Variants in DNAJC27 observed in about 807,000 individuals in gnomAD.
The protein encoded by DNAJC27 is dnaJ homolog subfamily C member 27.
A neutral mutation model predicts 31.4 loss-of-function variants in DNAJC27; 25 were observed. The observed-to-expected ratio is 0.80, with a 90% CI of 0.58 to 1.11. The LOEUF (loss-of-function observed/expected upper bound fraction) is 1.11, where lower values mean the gene tolerates loss of function less well. DNAJC27 is among the 50% of genes most tolerant of loss of function. DNAJC27 has a pLI of 0.00. For synonymous variants in DNAJC27, 106 were observed against 112.7 expected, an observed-to-expected ratio of 0.94 and a Z score of 0.37; for missense variants, 356 against 347.3, an observed-to-expected ratio of 1.02 and a Z score of -0.20.
chr2:24,962,223 T>C (rs1558554924), intron 3 of DNAJC27, among the ~76,000 whole-genome samples: 1 of 151,892 alleles, frequency 6.6e-6, no homozygotes, highest in Non-Finnish European at 1.5e-5. Flanking sequence ...TTTCTTTTGT[T>C]TTTTTTTGTG....
rs1378459089 is a variant in DNAJC27 at position 24,957,899 on chromosome 2, C to T, written c.316G>A (p.Ala106Thr). Reference protein sequence around the residue: ...YDVGQKDSFDALDAWLAEMKQ... With the variant: ...YDVGQKDSFDTLDAWLAEMKQ... ...ATTTCTGCCAGCCACGCATCAAGGG[C>T]GTCAAAGGAGTCTTTCTGCCCAACA... The change falls in exon 4 of 7, where the codon GCC (alanine) becomes ACC (threonine). Residue 106 changes from alanine (A) to threonine (T), a missense_variant. Transcript: ENST00000264711. 5.0e-6 allele frequency: 8 copies of T among 1,614,126 alleles called. No individual in the cohort carries two copies. The highest frequency in any genetic ancestry group is 2.2e-5 in the East Asian group (1 of 44,886).
chr2:24,959,542 C>A (rs1325489957), intron 3 of DNAJC27, among the ~76,000 whole-genome samples: 1 of 152,182 alleles, frequency 6.6e-6, no homozygotes, highest in Non-Finnish European at 1.5e-5. Context: ...AAAGTTCCAA[C>A]TTTCTCAAAT....
At position 24,957,912 on chromosome 2, in the gene DNAJC27, T is replaced by C. The variant is rs1665946367; in HGVS notation, c.303A>G (p.Lys101=). 6.2e-7 allele frequency: 1 copy of C among 1,614,192 alleles called. No individual in the cohort carries two copies. Among genetic ancestry groups the C allele is most frequent in the Non-Finnish European group, 8.5e-7 (1 of 1,180,036 alleles). The change falls in exon 4 of 7, where the codon AAA becomes AAG. Residue 101 remains lysine (K), a synonymous_variant. Coordinates refer to ENST00000264711, the MANE Select transcript of DNAJC27 (RefSeq NM_016544.3). ...ACGCATCAAGGGCGTCAAAGGAGTC[T>C]TTCTGCCCAACATCATAGACCAGTA... The part of the protein sequence containing the change: ...GVILVYDVGQ[K]DSFDALDAWL...
rs1262920323 is a variant in DNAJC27, at chr2:24,971,869, G to A, written c.36C>T (p.Gly12=). Residue 12 remains glycine (G), a synonymous_variant, in exon 1 of 7, where the codon GGC becomes GGT. Transcript: ENST00000264711. ...EANMPKRKEP[G]RSLRIKVISM... is the part of the protein sequence containing the mutation. ...AGATGACTTTGATGCGGAGAGACCT[G>A]CCGGGCTCCTTCCGCTTCGGCATGT... The A allele has an allele frequency of 1.2e-6, 2 of 1,609,238 alleles. No individual in the cohort carries two copies. The highest frequency in any genetic ancestry group is 1.1e-5 in the South Asian group (1 of 90,304).
At chr2:24,960,546 G>A (rs1419564223) in intron 3 of DNAJC27, among the ~76,000 whole-genome samples, 1 of 152,190 alleles carries the variant, frequency 6.6e-6, no homozygotes, top group East Asian at 1.9e-4. Flanking sequence ...TGGGCCTTTT[G>A]TACCAAACAG....
At chr2:24,956,469 ATG>A (rs773620769) in intron 5 of DNAJC27, among the ~76,000 whole-genome samples, 6 of 152,006 alleles carry the variant, frequency 3.9e-5, no homozygotes, top group Non-Finnish European at 7.4e-5. Flanking sequence ...CCTTATTTTT[ATG>A]TGTGACTGGA....
Position 24,971,613 on chromosome 2 carries a change from T to C in DNAJC27, c.87+205A>G, listed in dbSNP as rs144614380. Reference sequence around the variant, plus strand: ...ACCCCAGACACCATCTCCGGAAGAGTGACGTCGGAGGACGAGGGGGCAACG... The same window carrying C: ...ACCCCAGACACCATCTCCGGAAGAGCGACGTCGGAGGACGAGGGGGCAACG... On this transcript the variant is annotated intron_variant, in intron 1 of 6. Coordinates refer to ENST00000264711, the MANE Select transcript of DNAJC27 (RefSeq NM_016544.3). The C allele has an allele frequency of 1.6e-4, 77 of 485,114 alleles. No homozygotes were observed. In the Middle Eastern group the frequency reaches 3.3e-3, roughly 21 times the overall value. 30.1% of individuals were successfully genotyped at this position (485,114 alleles called of 1,614,324 possible). A position where few individuals can be genotyped will look rare whatever the true frequency, so the allele number is the denominator to read the frequency against.
intron 3 of DNAJC27, among the ~76,000 whole-genome samples, chr2:24,958,176 C>T (rs192396063): frequency 1.3e-5 from 2 of 152,170 alleles, no homozygotes; most frequent in Admixed American, 6.5e-5. Context: ...GAAGGACTTA[C>T]AATGGAAAAC....
At chr2:24,965,979 T>C (rs140753596) in intron 2 of DNAJC27, among the ~76,000 whole-genome samples, 1 of 152,316 alleles carries the variant, frequency 6.6e-6, no homozygotes, top group East Asian at 1.9e-4. Flanking sequence ...GAGTTTATAA[T>C]CTAGCAGGAG....
chr2:24,953,522 C>T (rs1404709574), intron 5 of DNAJC27: 1 of 236,322 alleles, frequency 4.2e-6, no homozygotes, highest in Non-Finnish European at 6.9e-6. Context: ...ATTGAACCAG[C>T]AGGAAAGCAC....
chr2:24,970,885 A>G (rs967035515), intron 1 of DNAJC27, among the ~76,000 whole-genome samples: 3 of 152,240 alleles, frequency 2.0e-5, no homozygotes, highest in Non-Finnish European at 2.9e-5. Context: ...AAAAACACTA[A>G]GTAAACATTT....
In DNAJC27 at chr2:24,945,157, C is replaced by G. The variant is rs1285691982; in HGVS notation, c.*2459G>C. The stretch of plus-strand genomic sequence containing the variant: ...CCAAAAAAACCTTTCCATTGCAGAT[C>G]ATGCTTTATTTCTTAATATTCTGCT... On this transcript the variant is annotated 3_prime_UTR_variant, in exon 7 of 7. Coordinates refer to ENST00000264711, the MANE Select transcript of DNAJC27 (RefSeq NM_016544.3). The G allele has an allele frequency of 6.6e-6, 1 of 152,190 alleles. No homozygotes were observed. Among genetic ancestry groups the G allele is most frequent in the East Asian group, 1.9e-4 (1 of 5,196 alleles). 9.4% of individuals were successfully genotyped at this position (152,190 alleles called of 1,614,324 possible).
Position 24,967,216 on chromosome 2 carries a change from G to A in DNAJC27, c.165C>T (p.Val55=). Residue 55 remains valine, a synonymous_variant, in exon 2 of 7, where the codon GTC becomes GTT. Transcript: ENST00000264711. ...CAGGGAAACAATATACTTACTTTGT[G>A]ACTCCATAGTCAATTCCAATTGTTG... ...YLATIGIDYG[V]TKVHVRDREI... The A allele has an allele frequency of 6.2e-7, 1 of 1,612,136 alleles. No homozygotes were observed. Among genetic ancestry groups the A allele is most frequent in the Non-Finnish European group, 8.5e-7 (1 of 1,178,342 alleles).
chr2:24,962,241 T>C (rs1573115208), intron 3 of DNAJC27, among the ~76,000 whole-genome samples: 1 of 151,686 alleles, frequency 6.6e-6, no homozygotes, highest in African/African-American at 2.4e-5. Context: ...GTGTTTTTTG[T>C]TTGTTTGTTT....
At chr2:24,959,828 G>A (rs991572195) in intron 3 of DNAJC27, among the ~76,000 whole-genome samples, 1 of 152,206 alleles carries the variant, frequency 6.6e-6, no homozygotes, top group Non-Finnish European at 1.5e-5. Context: ...GTACCATACT[G>A]TTTTGTACTT....
chr2:24,969,882 T>C (rs1666285482), intron 1 of DNAJC27, among the ~76,000 whole-genome samples: 1 of 152,204 alleles, frequency 6.6e-6, no homozygotes, highest in South Asian at 2.1e-4. Flanking sequence ...ATGAAGACTT[T>C]AGTAGTCTTG....
intron 3 of DNAJC27, among the ~76,000 whole-genome samples, chr2:24,961,935 G>T (rs1175855487): frequency 6.6e-6 from 1 of 152,192 alleles, no homozygotes; most frequent in East Asian, 1.9e-4. Context: ...TAACTGAATT[G>T]ACTCCAATTT....
chr2:24,971,983 A>G, upstream of DNAJC27: 2 of 1,035,212 alleles, frequency 1.9e-6, no homozygotes, highest in African/African-American at 1.7e-5. Context: ...TCCTCGTCCA[A>G]TGGCGGAGCC....
Position 24,957,777 on chromosome 2 carries a change from G to C in DNAJC27, c.405+33C>G, listed in dbSNP as rs564044426. ...CACTCAAAGCTCCACTCTTTCCCTA[G>C]AAATCTGAACACACCATTTCCAGAG... On this transcript the variant is annotated intron_variant, in intron 4 of 6. Coordinates refer to ENST00000264711, the MANE Select transcript of DNAJC27 (RefSeq NM_016544.3). The C allele has an allele frequency of 3.8e-6, 6 of 1,590,788 alleles. No individual in the cohort carries two copies. The African/African-American group carries it at 6.7e-5, about 18-fold the overall frequency.
Sources: gnomAD v4.1 joint callset for allele counts (sites outside exome capture counted in the v4.1 genomes callset) on GRCh38, gnomAD v4.1.1 for gene constraint, MANE v1.5 for transcripts, NCBI Gene and HGNC (gene_info 2026-07-23, HGNC 2026-07-21) for gene names.